The following CALN1 variants were observed in gnomAD, a reference collection of about 807,000 sequenced individuals.
CALN1 encodes the protein calneuron 1, also known as calcium-binding protein 8.
In CALN1, 17 loss-of-function variants were observed where a neutral mutation model predicts 30.6. The ratio of observed to expected loss-of-function variants is 0.56; its 90% CI spans 0.38 to 0.83. The LOEUF (loss-of-function observed/expected upper bound fraction) is 0.83, where lower values mean the gene tolerates loss of function less well. Ranked by LOEUF, CALN1 falls within the 40% of genes least tolerant of loss-of-function variation. CALN1 has a pLI of 0.00. For missense variants in CALN1, 291 were observed against 354.9 expected (o/e 0.82, Z 1.45); for synonymous variants, 156 against 131.4 (o/e 1.19, Z -1.28).
In CALN1 at chr7:71,859,409, A is replaced by C. The variant is rs368673785; in HGVS notation, c.502-48917T>G. On this transcript the variant is annotated intron_variant, in intron 5 of 6. Coordinates refer to ENST00000395275, the MANE Select transcript of CALN1 (RefSeq NM_031468.4). ...ACCAAGTCAGTCTAAGCCACTCTTC[A>C]TGTTGATGTGTTTCTATCACTTTAT... Among the ~76,000 whole-genome samples, 6 of 152,260 alleles carry C rather than the reference A, an allele frequency of 3.9e-5. No homozygotes were observed. The East Asian group carries it at 9.7e-4, about 25-fold the overall frequency.
At chr7:71,917,697 C>G (rs1209063011) in intron 5 of CALN1, among the ~76,000 whole-genome samples, 4 of 150,034 alleles carry the variant, frequency 2.7e-5, no homozygotes, top group African/African-American at 9.7e-5. Flanking sequence ...ACCATCAGAT[C>G]ATGAGACTCA....
chr7:72,503,994 G>C, the CALN1 span, among the ~76,000 whole-genome samples: 1 of 152,118 alleles, frequency 6.6e-6, no homozygotes, highest in East Asian at 1.9e-4. Flanking sequence ...ACCCCATAGA[G>C]GAGTGTGGGT....
At chr7:72,487,768 GAAAGAAAGAAAGAGAAA>G in the CALN1 span, among the ~76,000 whole-genome samples, 1 of 76,288 alleles carries the variant, frequency 1.3e-5, no homozygotes, top group African/African-American at 5.9e-5. Flanking sequence ...GAAGGGTAAA[GAAAGAAAGAAAGAGAAA>G]GAAAGAAGAA....
At chr7:72,465,099 C>T in the CALN1 span, among the ~76,000 whole-genome samples, 1 of 152,174 alleles carries the variant, frequency 6.6e-6, no homozygotes, top group South Asian at 2.1e-4. Flanking sequence ...AGGACGATAT[C>T]TCAGATGCCT....
intron 4 of CALN1, among the ~76,000 whole-genome samples, chr7:72,032,543 C>A (rs1801525863): frequency 1.3e-5 from 2 of 152,160 alleles, no homozygotes; most frequent in South Asian, 4.1e-4. Flanking sequence ...ATATCAGAGA[C>A]CCCAGCCCTT....
At chr7:72,078,601 G>C (rs922773098) in intron 4 of CALN1, among the ~76,000 whole-genome samples, 1 of 152,158 alleles carries the variant, frequency 6.6e-6, no homozygotes, top group Non-Finnish European at 1.5e-5. Context: ...GCCCAGGAGA[G>C]GAACCGAGAA....
rs1031551970 is a variant in CALN1, at chr7:72,338,470, A to AGAGTGTGTGTGTGT, written c.120-59661_120-59660insACACACACACACTC. 9.1e-3 allele frequency among the ~76,000 whole-genome samples: 680 copies of AGAGTGTGTGTGTGT among 74,778 alleles called. 28 individuals carry two copies. The highest frequency in any genetic ancestry group is 0.023 in the East Asian group (54 of 2,384). 49.1% of individuals were successfully genotyped at this position (74,778 alleles called of 152,430 possible). A position where few individuals can be genotyped will look rare whatever the true frequency, so the allele number is the denominator to read the frequency against. ...GGGCGTTTTTGTCAGCCAGCAGCAC[A>AGAGTGTGTGTGTGT]GTGTGTGTGTGTGTGTGTGTGTGTG... On this transcript the variant is annotated intron_variant, in intron 2 of 6. Coordinates refer to ENST00000395275, the MANE Select transcript of CALN1 (RefSeq NM_031468.4).
chr7:72,147,149 A>G (rs1786815866), intron 3 of CALN1, among the ~76,000 whole-genome samples: 1 of 152,254 alleles, frequency 6.6e-6, no homozygotes, highest in South Asian at 2.1e-4. Context: ...GCTTCTGCAC[A>G]GCAAAAGAAA....
intron 5 of CALN1, among the ~76,000 whole-genome samples, chr7:72,008,935 C>A (rs1201134397): frequency 6.6e-6 from 1 of 152,104 alleles, no homozygotes; most frequent in East Asian, 1.9e-4. Context: ...GGATTACAGG[C>A]GTGAGCCACT....
chr7:72,069,802 A>G lies in CALN1; in HGVS notation c.388+36349T>C, dbSNP rs573370672. ...CCATACCCCTACCCAATCTCCCTCT[A>G]TCTTGAGATACTAGGATTCTATGGT... On this transcript the variant is annotated intron_variant, in intron 4 of 6. Transcript: ENST00000395275. 1.6e-4 allele frequency among the ~76,000 whole-genome samples: 25 copies of G among 152,256 alleles called. No homozygotes were observed. The South Asian group carries it at 3.9e-3, about 24-fold the overall frequency.
Position 72,256,019 on chromosome 7 carries a change from C to T in CALN1, c.244+22667G>A, listed in dbSNP as rs188787276. On this transcript the variant is annotated intron_variant, in intron 3 of 6. Coordinates refer to ENST00000395275, the MANE Select transcript of CALN1 (RefSeq NM_031468.4). ...CTGGGATTACAGGCGTGAGCCACCGCGCCCTGCCTAAATAAATATTCTTTA... is the reference window on the plus strand; with the variant it reads ...CTGGGATTACAGGCGTGAGCCACCGTGCCCTGCCTAAATAAATATTCTTTA... Among the ~76,000 whole-genome samples, 639 of 152,314 alleles carry T rather than the reference C, an allele frequency of 4.2e-3. 3 individuals are homozygous for T. Among genetic ancestry groups the T allele is most frequent in the Middle Eastern group, 0.031 (9 of 294 alleles).
At chr7:72,396,396 T>C (rs1011390078) in intron 2 of CALN1, among the ~76,000 whole-genome samples, 4 of 147,314 alleles carry the variant, frequency 2.7e-5, no homozygotes, top group African/African-American at 5.1e-5. Context: ...GCACTCCAGC[T>C]TGGGTGACAA....
chr7:72,128,221 T>C (rs1808902845), intron 3 of CALN1, among the ~76,000 whole-genome samples: 2 of 152,316 alleles, frequency 1.3e-5, no homozygotes, highest in South Asian at 4.1e-4. Context: ...AATAGGCGAT[T>C]AGCTAAATAA....
At chr7:72,208,968 TTTCCTTCCTTTTCCTAC>T (rs995620072) in intron 3 of CALN1, among the ~76,000 whole-genome samples, 3 of 151,280 alleles carry the variant, frequency 2.0e-5, no homozygotes, top group African/African-American at 7.3e-5. Flanking sequence ...CCTCCCTCCC[TTTCCTTCCTTTTCCTAC>T]TTCCTTCCTT....
In CALN1 at chr7:72,393,629, G is replaced by GC. The variant is rs112134599; in HGVS notation, c.119+9621dup. Among the ~76,000 whole-genome samples the GC allele has an allele frequency of 6.6e-3, 995 of 151,590 alleles. 2 individuals are homozygous for GC. Among genetic ancestry groups the GC allele is most frequent in the Middle Eastern group, 0.01 (3 of 294 alleles). ...CAGATGTACTCTGTCCCACAGCTGG[G>GC]CCCCCCCCAGGCAAATGCCAAAAGA... On this transcript the variant is annotated intron_variant, in intron 2 of 6. Coordinates refer to ENST00000395275, the MANE Select transcript of CALN1 (RefSeq NM_031468.4).
At chr7:72,087,875 A>G (rs1805584787) in intron 4 of CALN1, among the ~76,000 whole-genome samples, 1 of 152,130 alleles carries the variant, frequency 6.6e-6, no homozygotes, top group South Asian at 2.1e-4. Context: ...AAAAATTGAG[A>G]GTGTACGCTG....
chr7:72,243,634 T>C (rs1794983843), intron 3 of CALN1, among the ~76,000 whole-genome samples: 1 of 152,068 alleles, frequency 6.6e-6, no homozygotes, highest in South Asian at 2.1e-4. Flanking sequence ...TGTCAGGACT[T>C]AGTGGTTTCT....
chr7:72,075,332 G>A lies in CALN1; in HGVS notation c.388+30819C>T, dbSNP rs12667488. On this transcript the variant is annotated intron_variant, in intron 4 of 6. Transcript: ENST00000395275. The stretch of plus-strand genomic sequence containing the variant: ...TGACCAAATATCTGGGAACCCGGTG[G>A]CCCAGTCAAGTTGACACATAAGATT... 3.3e-3 allele frequency among the ~76,000 whole-genome samples: 505 copies of A among 152,266 alleles called. 23 individuals carry two copies. The East Asian group carries it at 0.082, about 25-fold the overall frequency.
In CALN1 at chr7:72,054,620, T is replaced by G. The variant is rs529876455; in HGVS notation, c.389-30851A>C. ...ATCATGTCTTTTGCAGGAACATGAA[T>G]GGAGCTGGAAGCTGTTATCCTTAGC... On this transcript the variant is annotated intron_variant, in intron 4 of 6. Coordinates refer to ENST00000395275, the MANE Select transcript of CALN1 (RefSeq NM_031468.4). Among the ~76,000 whole-genome samples the G allele has an allele frequency of 2.0e-5, 3 of 150,674 alleles. 1 individual carries two copies. The East Asian group carries it at 5.8e-4, about 29-fold the overall frequency.
Sources: allele counts gnomAD v4.1 joint callset (sites outside exome capture counted in the v4.1 genomes callset), GRCh38; gene constraint gnomAD v4.1.1; transcripts MANE v1.5; gene names NCBI Gene and HGNC (gene_info 2026-07-23, HGNC 2026-07-21).